Variants in TBCD observed in about 807,000 individuals in gnomAD.
TBCD encodes tubulin folding cofactor D.
In TBCD, 105 loss-of-function variants were observed where a neutral mutation model predicts 169.3. The observed-to-expected ratio is 0.62, with a 90% CI of 0.53 to 0.73. The LOEUF is 0.73. Ranked by LOEUF, TBCD falls within the 30% of genes least tolerant of loss-of-function variation. The probability of loss-of-function intolerance (pLI) is 0.00; values close to 1 mark genes in which losing one functional copy is unlikely to be tolerated. For missense variants in TBCD, 1,444 were observed against 1,600.1 expected (o/e 0.90, Z 1.66); for synonymous variants, 700 against 643.9 (o/e 1.09, Z -1.32).
chr17:82,798,012 T>G (rs1439975966), intron 8 of TBCD, among the ~76,000 whole-genome samples: 4 of 137,708 alleles, frequency 2.9e-5, no homozygotes, highest in African/African-American at 8.3e-5. Context: ...AGTCTCCCTC[T>G]GTTGCCCAGG....
At chr17:82,867,685 T>C (rs2057275084) in intron 13 of TBCD, among the ~76,000 whole-genome samples, 1 of 152,238 alleles carries the variant, frequency 6.6e-6, no homozygotes, top group Non-Finnish European at 1.5e-5. Context: ...TTAGAGTCAG[T>C]GGCTTTTTCT....
intron 9 of TBCD, 79 bp from the exon 10 acceptor site, chr17:82,805,796 G>C: frequency 6.7e-7 from 1 of 1,502,800 alleles, no homozygotes; most frequent in Non-Finnish European, 9.1e-7. Context: ...AAGATTCAAA[G>C]TGACACTGAA....
In TBCD at chr17:82,767,445, C is replaced by CT. The variant is rs545655524; in HGVS notation, c.436-965dup. 2.9e-3 allele frequency among the ~76,000 whole-genome samples: 438 copies of CT among 149,732 alleles called. 1 individual carries two copies. Among genetic ancestry groups the CT allele is most frequent in the African/African-American group, 4.3e-3 (176 of 40,954 alleles). ...GAAGTTGATAATTGTTTTCTTTATT[C>CT]TTTTTTTTTTAAAAAGACAGAGTTT... On this transcript the variant is annotated intron_variant, in intron 4 of 38. Transcript: ENST00000355528.
chr17:82,810,317 C>T (rs1367898635), intron 12 of TBCD, among the ~76,000 whole-genome samples: 1 of 152,194 alleles, frequency 6.6e-6, no homozygotes, highest in African/African-American at 2.4e-5. Flanking sequence ...ATTAGCCAGA[C>T]GTGGTCCCAG....
intron 11 of TBCD, among the ~76,000 whole-genome samples, chr17:82,809,315 ATGGG>A (rs1488063146): frequency 1.3e-5 from 2 of 152,058 alleles, no homozygotes; most frequent in Non-Finnish European, 2.9e-5. Flanking sequence ...ACCTGGCCTG[ATGGG>A]TGCCTGCACA....
intron 7 of TBCD, among the ~76,000 whole-genome samples, chr17:82,781,984 G>A (rs1025589063): frequency 6.6e-6 from 1 of 152,216 alleles, no homozygotes; most frequent in Non-Finnish European, 1.5e-5. Context: ...CACGCAGCCG[G>A]GGCTCCCCAG....
In TBCD at chr17:82,752,335, G is replaced by C. The variant is rs1366788831; in HGVS notation, c.142G>C (p.Gly48Arg). Residue 48 changes from glycine to arginine, a missense_variant, in exon 1 of 39, where the codon GGC becomes CGC. Coordinates refer to ENST00000355528, the MANE Select transcript of TBCD (RefSeq NM_005993.5). ...GCTGGGCCGCCTGCGGGAGGTGCACGGCGGCGGCGCGGAGCGCGAGGTGGC... is the reference window on the plus strand; with the variant it reads ...GCTGGGCCGCCTGCGGGAGGTGCACCGCGGCGGCGCGGAGCGCGAGGTGGC... ...ALLGRLREVH[G>R]GGAEREVALE... 1 of 1,425,208 alleles carries C rather than the reference G, an allele frequency of 7.0e-7. No homozygotes were observed. The highest frequency in any genetic ancestry group is 2.5e-4 in the Middle Eastern group (1 of 3,930). The allele number at this position is 1,425,208 out of a possible 1,614,324, so 88.3% of individuals were successfully genotyped here. A position where few individuals can be genotyped will look rare whatever the true frequency, so the allele number is the denominator to read the frequency against.
intron 11 of TBCD, among the ~76,000 whole-genome samples, chr17:82,808,627 A>G (rs2051186982): frequency 1.5e-5 from 1 of 65,238 alleles, no homozygotes; most frequent in African/African-American, 6.1e-5. Flanking sequence ...GCTGGGGGGC[A>G]GAGAGAACCC....
chr17:82,895,974 T>C (rs2059448907), intron 17 of TBCD: 1 of 152,164 alleles, frequency 6.6e-6, no homozygotes. Flanking sequence ...CCCAGTAAGC[T>C]GGTGCATGTT....
At chr17:82,877,727 A>G (rs2058068833) in intron 14 of TBCD, among the ~76,000 whole-genome samples, 1 of 152,242 alleles carries the variant, frequency 6.6e-6, no homozygotes, top group Non-Finnish European at 1.5e-5. Flanking sequence ...AACAAAAGCC[A>G]TTATGATGTA....
intron 14 of TBCD, among the ~76,000 whole-genome samples, chr17:82,883,607 C>A (rs2058520538): frequency 6.6e-6 from 1 of 152,214 alleles, no homozygotes; most frequent in Non-Finnish European, 1.5e-5. Context: ...GTCTTCAGGG[C>A]CTCAGGTCCC....
In TBCD at chr17:82,920,535, CCTT is replaced by C. The variant is rs1321352711; in HGVS notation, c.2039-20_2039-18del. On this transcript the variant is annotated intron_variant, in intron 23 of 38. Coordinates refer to ENST00000355528, the MANE Select transcript of TBCD (RefSeq NM_005993.5). This position sits in a 1 kb window ranked among gnomAD's most constrained non-coding sequence, Gnocchi z 4.1. ...TTTAGAAAAGTAACATTGCGTCTAT[CCTT>C]TTTTTTTTTTTTTCCAGTGTGTGTT... is the stretch of plus-strand genomic sequence containing the variant. 7 of 1,500,716 alleles carry C rather than the reference CCTT, an allele frequency of 4.7e-6. No homozygotes were observed. Among genetic ancestry groups the C allele is most frequent in the Non-Finnish European group, 6.2e-6 (7 of 1,131,348 alleles). The allele number at this position is 1,500,716 out of a possible 1,614,324, so 93.0% of individuals were successfully genotyped here. A position where few individuals can be genotyped will look rare whatever the true frequency, so the allele number is the denominator to read the frequency against.
intron 16 of TBCD, among the ~76,000 whole-genome samples, chr17:82,891,748 C>T (rs9892184): frequency 0.013 from 1,978 of 150,080 alleles, 42 homozygotes; most frequent in African/African-American, 0.045. Context: ...GGTTGGGGAG[C>T]GGCCTGGGGG....
intron 2 of TBCD, among the ~76,000 whole-genome samples, chr17:82,758,400 A>AAAAT (rs1555672642): frequency 1.8e-3 from 184 of 99,924 alleles, no homozygotes; most frequent in Middle Eastern, 5.6e-3. Context: ...AAAAAAAAAA[A>AAAAT]AAATAAATAA....
At chr17:82,937,488 C>T (rs928009386) in intron 35 of TBCD, 128 bp downstream of exon 35, 3 of 811,444 alleles carry the variant, frequency 3.7e-6, no homozygotes, top group South Asian at 1.6e-5. Flanking sequence ...AACCTAAGAT[C>T]GTGCATTCCA....
intron 5 of TBCD, 30 bp downstream of exon 5, chr17:82,768,596 A>C: frequency 1.2e-6 from 2 of 1,608,972 alleles, no homozygotes; most frequent in Non-Finnish European, 8.5e-7. Flanking sequence ...TTAGCTGCTA[A>C]TTAGTACTCA....
chr17:82,831,882 G>A lies in TBCD; in HGVS notation c.1318+16948G>A, dbSNP rs753964912. The stretch of plus-strand genomic sequence containing the variant: ...AGGCCGACTTGGTGTGGAAAGACAC[G>A]GCCTTGGCAGTGGGGTTGTGTAAAG... On this transcript the variant is annotated intron_variant, in intron 13 of 38. Coordinates refer to ENST00000355528, the MANE Select transcript of TBCD (RefSeq NM_005993.5). The surrounding 1 kb of genome is among the most constrained non-coding windows in gnomAD (Gnocchi z 4.6). 9 of 1,614,080 alleles carry A rather than the reference G, an allele frequency of 5.6e-6. 1 individual carries two copies. The highest frequency in any genetic ancestry group is 4.0e-5 in the African/African-American group (3 of 74,928).
At position 82,925,045 on chromosome 17, in the gene TBCD, C is replaced by G. The variant is rs1192945381; in HGVS notation, c.2367C>G (p.Gly789=). 3 of 1,556,230 alleles carry G rather than the reference C, an allele frequency of 1.9e-6. No individual in the cohort carries two copies. Among genetic ancestry groups the G allele is most frequent in the Admixed American group, 1.9e-5 (1 of 51,874 alleles). Residue 789 remains glycine, a synonymous_variant, in exon 27 of 39, where the codon GGC becomes GGG. Coordinates refer to ENST00000355528, the MANE Select transcript of TBCD (RefSeq NM_005993.5). ...CCCTTCCAGGCTTCCTTCTGAAAGG[C>G]CGGCTCCAGCAGGTGAGGCTGGCCA... ...LGALPGFLLK[G]RLQQVLTGLR... is the part of the protein sequence containing the mutation.
rs1323942554 is a variant in TBCD at position 82,890,727 on chromosome 17, G to A, written c.1563+1030G>A. On this transcript the variant is annotated intron_variant, in intron 16 of 38. Coordinates refer to ENST00000355528, the MANE Select transcript of TBCD (RefSeq NM_005993.5). The surrounding 1 kb of genome is among the most constrained non-coding windows in gnomAD (Gnocchi z 5.3). The stretch of plus-strand genomic sequence containing the variant: ...CCGAGGCCCACCCAGCATCCTTGGG[G>A]TGCCGTGGGGCCTGCATGTGTTCAG... Among the ~76,000 whole-genome samples the A allele has an allele frequency of 6.6e-6, 1 of 152,216 alleles. No individual in the cohort carries two copies. The highest frequency in any genetic ancestry group is 1.9e-4 in the East Asian group (1 of 5,192).
Sources: gnomAD v4.1 joint callset for allele counts (sites outside exome capture counted in the v4.1 genomes callset) on GRCh38, gnomAD v4.1.1 for gene constraint, Gnocchi (gnomAD v3.1) non-coding constraint, MANE v1.5 for transcripts, NCBI Gene and HGNC (gene_info 2026-07-23, HGNC 2026-07-21) for gene names.